The following EMSY variants were observed in gnomAD, a reference collection of about 807,000 sequenced individuals.
EMSY encodes EMSY transcriptional repressor, BRCA2 interacting.
Under a neutral mutation model 134.6 loss-of-function variants are expected in EMSY, and 26 were observed. The observed-to-expected ratio is 0.19, with a 90% CI of 0.14 to 0.27. EMSY has a LOEUF of 0.27. Among genes scored for constraint, EMSY ranks in the 10% least tolerant of loss-of-function variants. EMSY has a pLI of 1.00. For missense variants in EMSY, 1,305 were observed against 1,611.4 expected, an observed-to-expected ratio of 0.81 and a Z score of 3.26; for synonymous variants, 579 against 577.8, an observed-to-expected ratio of 1.00 and a Z score of -0.03.
At chr11:76,470,207 G>T (rs148956481) in intron 7 of EMSY, among the ~76,000 whole-genome samples, 30 of 152,172 alleles carry the variant, frequency 2.0e-4, no homozygotes, top group East Asian at 1.5e-3. Flanking sequence ...AAATGAAAAA[G>T]AATTTTCCCT....
chr11:76,513,582 A>C, intron 10 of EMSY, 47 bp downstream of exon 11: 1 of 1,592,336 alleles, frequency 6.3e-7, no homozygotes, highest in Non-Finnish European at 8.6e-7. Context: ...TACATTCATC[A>C]AACAGTTTCT....
At chr11:76,447,136 C>T (rs1947449970) in intron 2 of EMSY, 128 bp downstream of exon 2, 2 of 814,678 alleles carry the variant, frequency 2.5e-6, no homozygotes, top group Admixed American at 2.7e-5. Context: ...ATACAGTTCC[C>T]ATCTTACTCA....
At chr11:76,452,602 C>T (rs566127054) in intron 3 of EMSY, among the ~76,000 whole-genome samples, 2 of 152,132 alleles carry the variant, frequency 1.3e-5, no homozygotes, top group South Asian at 4.2e-4. Flanking sequence ...GTATGGAATA[C>T]AATTTGAAGA....
rs530154229 is a variant in EMSY at position 76,510,396 on chromosome 11, A to T, written c.1364-2990A>T. Among the ~76,000 whole-genome samples, 3 of 152,358 alleles carry T rather than the reference A, an allele frequency of 2.0e-5. No individual in the cohort carries two copies. In the South Asian group the frequency reaches 6.2e-4, roughly 32 times the overall value. On this transcript the variant is annotated intron_variant, in intron 9 of 20. Coordinates refer to ENST00000334736, the Ensembl canonical transcript of EMSY. ...TGTAATAATTGATTCACAAATAAAA[A>T]TGCCATTGATACAGACCTTAGAAAC...
At chr11:76,533,728 C>T (rs2136480390) in intron 14 of EMSY, among the ~76,000 whole-genome samples, 1 of 152,220 alleles carries the variant, frequency 6.6e-6, no homozygotes, top group Admixed American at 6.5e-5. Context: ...AGGTATCCAA[C>T]AAACACTTGT....
chr11:76,490,642 C>G (rs1321273644), intron 8 of EMSY, among the ~76,000 whole-genome samples: 1 of 152,076 alleles, frequency 6.6e-6, no homozygotes, highest in East Asian at 1.9e-4. Flanking sequence ...CTTCACATTG[C>G]CTTGTTAATC....
intron 11 of EMSY, among the ~76,000 whole-genome samples, chr11:76,518,705 T>A (rs7480136): frequency 0.22 from 17,345 of 80,416 alleles, 1,330 homozygotes; most frequent in Non-Finnish European, 0.25. Context: ...ATATATATAT[T>A]TTTTTTTTAA....
intron 6 of EMSY, 149 bp downstream of exon 7, chr11:76,460,234 C>A: frequency 3.3e-6 from 3 of 901,992 alleles, no homozygotes; most frequent in Non-Finnish European, 5.2e-6. Context: ...CCTTTCTTTA[C>A]ATATGACTAG....
chr11:76,467,070 A>G (rs1948382243), intron 7 of EMSY, among the ~76,000 whole-genome samples: 1 of 152,238 alleles, frequency 6.6e-6, no homozygotes, highest in African/African-American at 2.4e-5. Flanking sequence ...CCCTTCATAT[A>G]TAGAAATTAA....
At chr11:76,467,344 A>G (rs1948392259) in intron 7 of EMSY, among the ~76,000 whole-genome samples, 1 of 152,148 alleles carries the variant, frequency 6.6e-6, no homozygotes. Context: ...CTAGTCTTTT[A>G]ATTTAGTATT....
intron 11 of EMSY, 99 bp from the exon 13 acceptor site, chr11:76,523,056 G>T: frequency 1.7e-6 from 2 of 1,189,156 alleles, no homozygotes; most frequent in Non-Finnish European, 2.3e-6. Flanking sequence ...ATCTAGGAAT[G>T]ACATTTACTA....
At chr11:76,538,034 ATTC>A in intron 16 of EMSY, 84 bp downstream of exon 17, 1 of 1,187,096 alleles carries the variant, frequency 8.4e-7, no homozygotes, top group Non-Finnish European at 1.1e-6. Flanking sequence ...GGGAGAATAT[ATTC>A]TTTATATTTT....
chr11:76,494,957 A>C (rs1949591514), intron 8 of EMSY, among the ~76,000 whole-genome samples: 1 of 152,018 alleles, frequency 6.6e-6, no homozygotes, highest in African/African-American at 2.4e-5. Flanking sequence ...GCTGGTCTTA[A>C]ACTCCTGACT....
chr11:76,470,613 G>T (rs1948533278), intron 7 of EMSY, among the ~76,000 whole-genome samples: 2 of 151,936 alleles, frequency 1.3e-5, no homozygotes, highest in Non-Finnish European at 2.9e-5. Context: ...ATCATTTTCT[G>T]CTTGGTCTGA....
At chr11:76,470,572 TACTACTA>T (rs961917989) in intron 7 of EMSY, among the ~76,000 whole-genome samples, 2 of 152,182 alleles carry the variant, frequency 1.3e-5, no homozygotes, top group Non-Finnish European at 2.9e-5. Context: ...TCTTTATTTC[TACTACTA>T]ACACTCCGGT....
At chr11:76,513,584 A>G (rs1295596076) in intron 10 of EMSY, 49 bp downstream of exon 11, 1 of 1,588,950 alleles carries the variant, frequency 6.3e-7, no homozygotes, top group African/African-American at 1.3e-5. Flanking sequence ...CATTCATCAA[A>G]CAGTTTCTCT....
chr11:76,507,807 C>A (rs939037464), intron 9 of EMSY, among the ~76,000 whole-genome samples: 4 of 151,774 alleles, frequency 2.6e-5, no homozygotes, highest in Admixed American at 2.6e-4. Flanking sequence ...TTAGAGAAAT[C>A]ATTATGGCAG....
intron 10 of EMSY, among the ~76,000 whole-genome samples, chr11:76,514,888 G>A (rs978819019): frequency 6.6e-5 from 10 of 152,124 alleles, no homozygotes; most frequent in African/African-American, 2.2e-4. Context: ...ACAGTGTTAT[G>A]CATATATGAT....
chr11:76,517,837 A>C (rs1412743788), intron 11 of EMSY, among the ~76,000 whole-genome samples: 2 of 152,202 alleles, frequency 1.3e-5, no homozygotes, highest in East Asian at 3.8e-4. Flanking sequence ...CAGTTTAAAC[A>C]TACAGTTTAA....
Sources: gnomAD v4.1 joint callset for allele counts (sites outside exome capture counted in the v4.1 genomes callset) on GRCh38, gnomAD v4.1.1 for gene constraint, MANE v1.5 for transcripts, NCBI Gene and HGNC (gene_info 2026-07-23, HGNC 2026-07-21) for gene names.